LRP1B: variants seen among roughly 807,000 people sequenced by gnomAD.
LRP1B encodes the protein LDL receptor related protein 1B, also known as low-density lipoprotein receptor-related protein 1B.
A neutral mutation model predicts 556.6 loss-of-function variants in LRP1B; 217 were observed. The observed-to-expected ratio is 0.39, with a 90% CI of 0.35 to 0.44. The LOEUF (loss-of-function observed/expected upper bound fraction) is 0.44, where lower values mean the gene tolerates loss of function less well. Among genes scored for constraint, LRP1B ranks in the 20% least tolerant of loss-of-function variants. LRP1B has a pLI of 1.00. For synonymous variants in LRP1B, 2,047 were observed against 1,865.8 expected (o/e 1.10, Z -2.50); for missense variants, 5,053 against 5,620.8 (o/e 0.90, Z 3.23).
intron 1 of LRP1B, among the ~76,000 whole-genome samples, chr2:142,056,820 C>T (rs961171996): frequency 6.6e-6 from 1 of 151,440 alleles, no homozygotes; most frequent in Non-Finnish European, 1.5e-5. Context: ...TTTCCTTCCT[C>T]CTTCTCCCAT....
At position 140,536,692 on chromosome 2, in the gene LRP1B, T is replaced by C. The variant is rs764288151; in HGVS notation, c.7531A>G (p.Asn2511Asp). The C allele has an allele frequency of 1.3e-6, 2 of 1,595,438 alleles. No individual in the cohort carries two copies. The highest frequency in any genetic ancestry group is 2.3e-5 in the South Asian group (2 of 86,578). ...CCACATTCAAACTCCGAATAAGCGT[T>C]GCAGGAGGAATTTTTAGCTGCAAGA... ...NRCVTKNSSC[N>D]AYSEFECGNG... Residue 2511 changes from asparagine to aspartate, a missense_variant, in exon 46 of 91, where the codon AAC becomes GAC. Physicochemically the swap from Asn to Asp is conservative, Grantham distance 23 (BLOSUM62 1). Transcript: ENST00000389484.
chr2:141,812,004 G>C lies in LRP1B; in HGVS notation c.83-1603C>G, dbSNP rs868751054. ...TAGGACATTTCAGGTAAGATTTAGA[G>C]TAAATGGTTGCTAAGGTAATAATTA... On this transcript the variant is annotated intron_variant, in intron 1 of 90. Transcript: ENST00000389484. 2.6e-5 allele frequency among the ~76,000 whole-genome samples: 4 copies of C among 152,230 alleles called. No individual in the cohort carries two copies. In the South Asian group the frequency reaches 8.3e-4, roughly 31 times the overall value.
chr2:140,600,854 C>T (rs533501890), intron 42 of LRP1B, among the ~76,000 whole-genome samples: 160 of 121,522 alleles, frequency 1.3e-3, no homozygotes, highest in Non-Finnish European at 1.9e-3. Context: ...TTTTTATTCA[C>T]TGAGTATATT....
rs1399986354 is a variant in LRP1B at position 141,703,138 on chromosome 2, TAA to T, written c.205+107139_205+107140del. On this transcript the variant is annotated intron_variant, in intron 2 of 90. Transcript: ENST00000389484. ...AAGTACAATCATATATGATTTTCAG[TAA>T]AAGTCATTTTTGCATTCATGGTTTT... 6.6e-5 allele frequency among the ~76,000 whole-genome samples: 10 copies of T among 152,076 alleles called. No individual in the cohort carries two copies. The East Asian group carries it at 1.7e-3, about 27-fold the overall frequency.
chr2:140,574,233 C>T (rs1380144802), intron 43 of LRP1B, among the ~76,000 whole-genome samples: 2 of 152,026 alleles, frequency 1.3e-5, no homozygotes, highest in South Asian at 2.1e-4. Context: ...ATTTTAGTAA[C>T]ATTTCCCATG....
chr2:142,002,609 T>C (rs886500444), intron 1 of LRP1B, among the ~76,000 whole-genome samples: 7 of 151,846 alleles, frequency 4.6e-5, no homozygotes, highest in Non-Finnish European at 8.8e-5. Context: ...CATGTATAAG[T>C]GTCACAACAT....
At chr2:141,282,951 A>G (rs535541572) in intron 3 of LRP1B, among the ~76,000 whole-genome samples, 1 of 152,244 alleles carries the variant, frequency 6.6e-6, no homozygotes, top group African/African-American at 2.4e-5. Flanking sequence ...TAATATCTTA[A>G]TATTATCATT....
Position 140,358,845 on chromosome 2 carries a change from T to A in LRP1B, c.11233A>T (p.Asn3745Tyr), listed in dbSNP as rs775324886. ...CCACCACAGTGATCTTCATCTGAATTGTCACCGCATTCATCAATCCCATTG... is the reference window on the plus strand; with the variant it reads ...CCACCACAGTGATCTTCATCTGAATAGTCACCGCATTCATCAATCCCATTG... ...MCNGIDECGD[N>Y]SDEDHCGGKL... is the part of the protein sequence containing the mutation. The change falls in exon 73 of 91, where the codon AAT (asparagine) becomes TAT (tyrosine). Residue 3745 changes from asparagine to tyrosine, a missense_variant. Asn to Tyr is a moderately radical substitution (Grantham distance 143, BLOSUM62 -2). Around this residue, in one of 5 missense-constraint regions of LRP1B, gnomAD observed 599 missense variants for 648.4 expected, o/e 0.92. Coordinates refer to ENST00000389484, the MANE Select transcript of LRP1B (RefSeq NM_018557.3). 22 of 1,608,694 alleles carry A rather than the reference T, an allele frequency of 1.4e-5. No individual in the cohort carries two copies.
intron 45 of LRP1B, among the ~76,000 whole-genome samples, chr2:140,539,001 G>A (rs1349930987): frequency 2.0e-5 from 3 of 152,168 alleles, no homozygotes; most frequent in Non-Finnish European, 4.4e-5. Context: ...AGTGTTTTCT[G>A]CTTCTTTCTG....
rs148471555 is a variant in LRP1B at position 140,264,266 on chromosome 2, T to A, written c.13247+5976A>T. Among the ~76,000 whole-genome samples, 11 of 152,288 alleles carry A rather than the reference T, an allele frequency of 7.2e-5. 2 individuals are homozygous for A. Among genetic ancestry groups the A allele is most frequent in the African/African-American group, 2.6e-4 (11 of 41,574 alleles). ...TTTTTTTTGAAACAGTCTTGCTGTGTCACTCAGGCTGGAGTGCAATGGCGC... is the reference window on the plus strand; with the variant it reads ...TTTTTTTTGAAACAGTCTTGCTGTGACACTCAGGCTGGAGTGCAATGGCGC... On this transcript the variant is annotated intron_variant, in intron 86 of 90. Coordinates refer to ENST00000389484, the MANE Select transcript of LRP1B (RefSeq NM_018557.3).
At chr2:141,977,240 T>C (rs1203848496) in intron 1 of LRP1B, among the ~76,000 whole-genome samples, 1 of 152,176 alleles carries the variant, frequency 6.6e-6, no homozygotes, top group Non-Finnish European at 1.5e-5. Context: ...TATTCATTTA[T>C]GTTTACTAGC....
At chr2:140,563,186 A>T (rs990832479) in intron 43 of LRP1B, among the ~76,000 whole-genome samples, 6 of 152,030 alleles carry the variant, frequency 3.9e-5, no homozygotes, top group Admixed American at 2.6e-4. Context: ...ACACACACAC[A>T]CACCCACACA....
chr2:141,614,080 CAAAAAAAAAAA>C (rs550183140), intron 2 of LRP1B, among the ~76,000 whole-genome samples: 1,487 of 47,402 alleles, frequency 0.031, 58 homozygotes, highest in Admixed American at 0.04. Flanking sequence ...AACTCAGCCT[CAAAAAAAAAAA>C]AAAAAAAAAA....
At chr2:140,807,683 T>A (rs1559131136) in intron 32 of LRP1B, among the ~76,000 whole-genome samples, 1 of 151,728 alleles carries the variant, frequency 6.6e-6, no homozygotes, top group African/African-American at 2.4e-5. Context: ...GAAAATTCCA[T>A]AAAAAAAATT....
intron 5 of LRP1B, among the ~76,000 whole-genome samples, chr2:141,246,012 C>T (rs945295777): frequency 8.6e-5 from 13 of 151,932 alleles, no homozygotes; most frequent in Non-Finnish European, 1.3e-4. Flanking sequence ...AGTTCTGTAC[C>T]GTCATAATGC....
intron 35 of LRP1B, among the ~76,000 whole-genome samples, chr2:140,732,659 G>A (rs922232263): frequency 1.3e-5 from 2 of 151,638 alleles, no homozygotes; most frequent in South Asian, 4.2e-4. Context: ...CTGACCAAAG[G>A]TTAAAGATTA....
At chr2:141,930,747 AAAGCAAAAGACTG>A (rs745656730) in intron 1 of LRP1B, among the ~76,000 whole-genome samples, 3 of 152,044 alleles carry the variant, frequency 2.0e-5, no homozygotes, top group Admixed American at 6.6e-5. Context: ...TGGTATTCTA[AAAGCAAAAGACTG>A]AATAATTTTC....
chr2:140,318,815 T>C (rs1256937139), intron 82 of LRP1B, among the ~76,000 whole-genome samples: 2 of 152,082 alleles, frequency 1.3e-5, no homozygotes, highest in Admixed American at 1.3e-4. Flanking sequence ...ATCTGTAAAA[T>C]AGGAGAAATT....
chr2:140,552,642 G>A (rs1369721786), intron 43 of LRP1B, among the ~76,000 whole-genome samples: 1 of 152,130 alleles, frequency 6.6e-6, no homozygotes, highest in African/African-American at 2.4e-5. Context: ...CCTAGTCAGA[G>A]TCTTTATGTA....
Sources: gnomAD v4.1 joint callset for allele counts (sites outside exome capture counted in the v4.1 genomes callset) on GRCh38, gnomAD v4.1.1 for gene constraint, gnomAD v4.1.1 regional missense constraint, MANE v1.5 for transcripts, NCBI Gene and HGNC (gene_info 2026-07-23, HGNC 2026-07-21) for gene names.